MAGI1: variants seen among roughly 807,000 people sequenced by gnomAD.
The protein encoded by MAGI1 is membrane-associated guanylate kinase, WW and PDZ domain-containing protein 1.
In MAGI1, 58 loss-of-function variants were observed where a neutral mutation model predicts 139.9. The ratio of observed to expected loss-of-function variants is 0.41; its 90% confidence interval spans 0.34 to 0.52. MAGI1 has a LOEUF of 0.52. Ranked by LOEUF, MAGI1 falls within the 20% of genes least tolerant of loss-of-function variation. The probability of loss-of-function intolerance (pLI) is 0.12; values close to 1 mark genes in which losing one functional copy is unlikely to be tolerated. For synonymous variants in MAGI1, 812 were observed against 737.9 expected (o/e 1.10, Z -1.63); for missense variants, 1,874 against 1,901.6 (o/e 0.99, Z 0.27).
At chr3:65,531,054 A>G (rs1218785113) in intron 2 of MAGI1, among the ~76,000 whole-genome samples, 27 of 151,966 alleles carry the variant, frequency 1.8e-4, no homozygotes, top group African/African-American at 2.4e-5. Flanking sequence ...TGTAATGCTT[A>G]ACAAAGTGCC....
At chr3:65,732,562 T>G (rs906942811) in intron 1 of MAGI1, among the ~76,000 whole-genome samples, 2 of 152,196 alleles carry the variant, frequency 1.3e-5, no homozygotes, top group East Asian at 1.9e-4. Context: ...GAAGAAAGAC[T>G]GCTAATCACA....
chr3:65,606,870 C>A (rs547137809), intron 2 of MAGI1, among the ~76,000 whole-genome samples: 1 of 152,136 alleles, frequency 6.6e-6, no homozygotes, highest in South Asian at 2.1e-4. Flanking sequence ...GTTGCTTAGG[C>A]TGGTCTCAAA....
chr3:66,004,811 T>G (rs1422360565), intron 1 of MAGI1, among the ~76,000 whole-genome samples: 1 of 152,064 alleles, frequency 6.6e-6, no homozygotes, highest in Non-Finnish European at 1.5e-5. Context: ...TAAAGCAAAC[T>G]CTGACAGGCA....
At chr3:65,889,057 T>C (rs1034904114) in intron 1 of MAGI1, among the ~76,000 whole-genome samples, 3 of 152,210 alleles carry the variant, frequency 2.0e-5, no homozygotes, top group Admixed American at 6.5e-5. Context: ...CATTATCAGA[T>C]TCATAGCAGT....
intron 1 of MAGI1, among the ~76,000 whole-genome samples, chr3:65,807,677 G>C (rs1479481608): frequency 2.0e-5 from 3 of 152,148 alleles, no homozygotes; most frequent in Non-Finnish European, 4.4e-5. Context: ...AGTAAATGGA[G>C]AACACAGTAC....
At chr3:65,453,513 T>C (rs1949174339) in intron 5 of MAGI1, among the ~76,000 whole-genome samples, 173 bp from the exon 6 acceptor site, 1 of 152,096 alleles carries the variant, frequency 6.6e-6, no homozygotes, top group Non-Finnish European at 1.5e-5. Context: ...ATAAAATGGC[T>C]TGGGGAGGGT....
chr3:65,901,357 G>A (rs2061225052), intron 1 of MAGI1, among the ~76,000 whole-genome samples: 1 of 152,218 alleles, frequency 6.6e-6, no homozygotes, highest in East Asian at 1.9e-4. Flanking sequence ...ATCCTCGGTG[G>A]AAGGGTGAGA....
intron 2 of MAGI1, among the ~76,000 whole-genome samples, chr3:65,602,035 C>G (rs575354056): frequency 1.3e-5 from 2 of 152,168 alleles, no homozygotes; most frequent in Non-Finnish European, 2.9e-5. Context: ...CAATGACATC[C>G]CATTCATACC....
intron 1 of MAGI1, among the ~76,000 whole-genome samples, chr3:65,867,608 G>A (rs577156035): frequency 2.0e-5 from 3 of 152,186 alleles, no homozygotes; most frequent in Admixed American, 1.3e-4. Flanking sequence ...AGTGGCCCAC[G>A]CCTAAAGTCC....
At chr3:65,992,844 A>G (rs540580251) in intron 1 of MAGI1, among the ~76,000 whole-genome samples, 1 of 152,062 alleles carries the variant, frequency 6.6e-6, no homozygotes, top group Non-Finnish European at 1.5e-5. Flanking sequence ...TGTTGTTGTT[A>G]TTGTAGGGTT....
At chr3:65,624,350 G>C (rs2107088558) in intron 1 of MAGI1, among the ~76,000 whole-genome samples, 1 of 151,884 alleles carries the variant, frequency 6.6e-6, no homozygotes, top group Non-Finnish European at 1.5e-5. Context: ...CTTACAAATA[G>C]CCAAAAATTG....
At position 66,019,766 on chromosome 3, in the gene MAGI1, T is replaced by C. The variant is rs149724449; in HGVS notation, c.313+18230A>G. ...CCACTCTTACCTCATCCATACTCAA[T>C]TGCAATTAAATTTCCCATGGCACCT... On this transcript the variant is annotated intron_variant, in intron 1 of 22. Coordinates refer to ENST00000402939, the MANE Select transcript of MAGI1 (RefSeq NM_001033057.2). Among the ~76,000 whole-genome samples the C allele has an allele frequency of 3.9e-4, 60 of 152,262 alleles. No homozygotes were observed. The East Asian group carries it at 0.011, about 28-fold the overall frequency.
At chr3:65,506,879 T>C (rs1004424464) in intron 2 of MAGI1, among the ~76,000 whole-genome samples, 2 of 151,988 alleles carry the variant, frequency 1.3e-5, no homozygotes, top group African/African-American at 4.8e-5. Context: ...TCAAAACAGA[T>C]AAAAGAAAAA....
At chr3:65,700,545 T>C (rs1207789531) in intron 1 of MAGI1, among the ~76,000 whole-genome samples, 3 of 152,204 alleles carry the variant, frequency 2.0e-5, no homozygotes, top group African/African-American at 7.2e-5. Context: ...CATACATGAA[T>C]TGATCTAATG....
At chr3:65,802,093 T>C (rs1039214455) in intron 1 of MAGI1, among the ~76,000 whole-genome samples, 1 of 152,174 alleles carries the variant, frequency 6.6e-6, no homozygotes, top group Admixed American at 6.5e-5. Flanking sequence ...CTCAACCTCC[T>C]GGAAAATTTG....
chr3:65,410,624 A>C (rs759630163), intron 12 of MAGI1, among the ~76,000 whole-genome samples: 58 of 152,244 alleles, frequency 3.8e-4, no homozygotes, highest in Non-Finnish European at 6.2e-4. Flanking sequence ...AACGGGGTCA[A>C]GGTATCTAGG....
rs1952220100 is a variant in MAGI1 at position 65,493,698 on chromosome 3, G to A, written c.431-67C>T. On this transcript the variant is annotated intron_variant, in intron 2 of 22. Transcript: ENST00000402939. ...CTAAAACAGGAAGTTCCACATCCAG[G>A]TGTAATTAAAATAACCTGTTCAGTA... 4.4e-6 allele frequency: 7 copies of A among 1,591,748 alleles called. No individual in the cohort carries two copies. The East Asian group carries it at 1.6e-4, about 36-fold the overall frequency.
intron 1 of MAGI1, among the ~76,000 whole-genome samples, chr3:65,838,304 TCAAAACAAAA>T (rs138806909): frequency 7.9e-5 from 12 of 151,486 alleles, no homozygotes; most frequent in Admixed American, 5.9e-4. Context: ...AGAGTGAGAC[TCAAAACAAAA>T]CAAAACAAAA....
intron 2 of MAGI1, among the ~76,000 whole-genome samples, chr3:65,565,896 G>A (rs1423748156): frequency 4.0e-5 from 6 of 149,328 alleles, no homozygotes; most frequent in Non-Finnish European, 7.4e-5. Context: ...ATCACACAAC[G>A]GACAGTGGAT....
Sources: gnomAD v4.1 joint callset for allele counts (sites outside exome capture counted in the v4.1 genomes callset) on GRCh38, gnomAD v4.1.1 for gene constraint, MANE v1.5 for transcripts, NCBI Gene and HGNC (gene_info 2026-07-23, HGNC 2026-07-21) for gene names.